FSTL5: variants seen among roughly 807,000 people sequenced by gnomAD.
FSTL5 encodes the protein follistatin-related protein 5.
Under a neutral mutation model 89.1 loss-of-function variants are expected in FSTL5, and 62 were observed. That is an observed-to-expected ratio of 0.70 (90% confidence interval 0.57 to 0.86). FSTL5 has a LOEUF of 0.86. FSTL5 is among the 40% of genes least tolerant of loss of function. The pLI is 0.00. For missense variants in FSTL5, 1,057 were observed against 1,001.6 expected, an observed-to-expected ratio of 1.06 and a Z score of -0.75; for synonymous variants, 383 against 346.2, an observed-to-expected ratio of 1.11 and a Z score of -1.18.
chr4:161,508,859 C>G (rs947171629), intron 11 of FSTL5, among the ~76,000 whole-genome samples: 1 of 151,972 alleles, frequency 6.6e-6, no homozygotes, highest in Non-Finnish European at 1.5e-5. Context: ...TATGGCAAAG[C>G]TTCATACAAA....
chr4:162,077,501 C>T (rs1579008773), intron 2 of FSTL5, among the ~76,000 whole-genome samples: 1 of 151,918 alleles, frequency 6.6e-6, no homozygotes, highest in East Asian at 2.0e-4. Context: ...ATTTGTTCTG[C>T]CCCATTCTTA....
At chr4:161,816,579 C>T (rs1730332637) in intron 4 of FSTL5, among the ~76,000 whole-genome samples, 1 of 152,022 alleles carries the variant, frequency 6.6e-6, no homozygotes, top group South Asian at 2.1e-4. Flanking sequence ...TTCCACTTTA[C>T]AAAGGGGTAA....
At chr4:161,899,975 A>G (rs1733299401) in intron 4 of FSTL5, among the ~76,000 whole-genome samples, 1 of 152,130 alleles carries the variant, frequency 6.6e-6, no homozygotes, top group Non-Finnish European at 1.5e-5. Flanking sequence ...CGGATGGATC[A>G]CCTGAGGTCA....
chr4:161,562,131 T>G (rs2126572238), intron 8 of FSTL5, among the ~76,000 whole-genome samples: 1 of 152,156 alleles, frequency 6.6e-6, no homozygotes, highest in Middle Eastern at 3.4e-3. Flanking sequence ...TTTCTTGCTC[T>G]TCCCCACTGG....
At chr4:162,036,868 C>A (rs1737760549) in intron 2 of FSTL5, among the ~76,000 whole-genome samples, 1 of 151,650 alleles carries the variant, frequency 6.6e-6, no homozygotes, top group Non-Finnish European at 1.5e-5. Context: ...ATTAAATGTC[C>A]AGTTCAAGTT....
At chr4:161,872,139 TGG>T (rs377139784) in intron 4 of FSTL5, among the ~76,000 whole-genome samples, 58,621 of 105,776 alleles carry the variant, frequency 0.55, 15,251 homozygotes, top group East Asian at 0.64. Flanking sequence ...TTTTTTTTTT[TGG>T]TTTTTTTTTT....
intron 10 of FSTL5, among the ~76,000 whole-genome samples, chr4:161,529,718 A>G (rs538607093): frequency 1.4e-5 from 2 of 141,750 alleles, no homozygotes; most frequent in Non-Finnish European, 3.1e-5. Context: ...ATTTGGTTCT[A>G]TTTGACTCTA....
intron 14 of FSTL5, among the ~76,000 whole-genome samples, chr4:161,456,583 C>T (rs189343195): frequency 1.3e-5 from 2 of 152,312 alleles, no homozygotes; most frequent in Admixed American, 1.3e-4. Flanking sequence ...ACACTATAGC[C>T]ACAATGAGGG....
intron 7 of FSTL5, among the ~76,000 whole-genome samples, chr4:161,633,027 G>A (rs1347191657): frequency 6.6e-6 from 1 of 151,932 alleles, no homozygotes; most frequent in African/African-American, 2.4e-5. Context: ...TAAGTAAGAA[G>A]GTTGTTATTT....
In FSTL5 at chr4:161,532,061, C is replaced by T. The variant is rs182425390; in HGVS notation, c.1312+6105G>A. On this transcript the variant is annotated intron_variant, in intron 10 of 15. Coordinates refer to ENST00000306100, the MANE Select transcript of FSTL5 (RefSeq NM_020116.5). Reference sequence around the variant, plus strand: ...CTACTAAAAATACAAAAAAATTAGCCGGGCGTGGTGGTGGGCGCCTGTAGT... The same window carrying T: ...CTACTAAAAATACAAAAAAATTAGCTGGGCGTGGTGGTGGGCGCCTGTAGT... Among the ~76,000 whole-genome samples the T allele has an allele frequency of 5.7e-3, 863 of 151,822 alleles. 11 individuals are homozygous for T. The highest frequency in any genetic ancestry group is 0.019 in the African/African-American group (805 of 41,408).
intron 2 of FSTL5, among the ~76,000 whole-genome samples, chr4:162,096,054 C>T (rs566604129): frequency 6.6e-6 from 1 of 151,974 alleles, no homozygotes; most frequent in African/African-American, 2.4e-5. Context: ...GAAGATATTA[C>T]CCTTGTGGTC....
At chr4:161,759,641 G>A (rs1740713846) in intron 5 of FSTL5, 110 bp from the exon 6 acceptor site, 4 of 622,536 alleles carry the variant, frequency 6.4e-6, no homozygotes, top group Admixed American at 4.4e-5. Context: ...TCTGCAGCAG[G>A]GCAAAAAACT....
At chr4:162,107,500 C>CA (rs1383672812) in intron 2 of FSTL5, among the ~76,000 whole-genome samples, 1 of 152,074 alleles carries the variant, frequency 6.6e-6, no homozygotes, top group African/African-American at 2.4e-5. Flanking sequence ...ACAAGACTGT[C>CA]AATAGTCACT....
At chr4:162,076,639 A>C (rs1052000132) in intron 2 of FSTL5, among the ~76,000 whole-genome samples, 1 of 151,786 alleles carries the variant, frequency 6.6e-6, no homozygotes, top group Non-Finnish European at 1.5e-5. Flanking sequence ...GATAAAGTGG[A>C]TGCTGGGATC....
chr4:161,884,894 T>G (rs1032140442), intron 4 of FSTL5, among the ~76,000 whole-genome samples: 4 of 152,172 alleles, frequency 2.6e-5, no homozygotes, highest in African/African-American at 9.7e-5. Flanking sequence ...TTGAGAAATA[T>G]CAGGAAAATT....
At chr4:162,072,015 T>C (rs1040405160) in intron 2 of FSTL5, among the ~76,000 whole-genome samples, 3 of 151,742 alleles carry the variant, frequency 2.0e-5, no homozygotes, top group Non-Finnish European at 4.4e-5. Context: ...TCACTGCTTA[T>C]ATATTAGATG....
At chr4:161,603,361 C>T (rs1238597399) in intron 7 of FSTL5, among the ~76,000 whole-genome samples, 1 of 151,998 alleles carries the variant, frequency 6.6e-6, no homozygotes, top group Non-Finnish European at 1.5e-5. Flanking sequence ...GGATGGAGTC[C>T]CAATCGGATA....
At chr4:161,844,586 C>A (rs555729247) in intron 4 of FSTL5, among the ~76,000 whole-genome samples, 1 of 152,278 alleles carries the variant, frequency 6.6e-6, no homozygotes, top group Non-Finnish European at 1.5e-5. Flanking sequence ...GGTACATATA[C>A]ACCATGGAAT....
intron 2 of FSTL5, among the ~76,000 whole-genome samples, chr4:162,073,251 T>G: frequency 6.6e-6 from 1 of 151,828 alleles, no homozygotes; most frequent in South Asian, 2.1e-4. Context: ...TGTGTATGTG[T>G]GTGTGTGTAT....
Sources: allele counts gnomAD v4.1 joint callset (sites outside exome capture counted in the v4.1 genomes callset), GRCh38; gene constraint gnomAD v4.1.1; transcripts MANE v1.5; gene names NCBI Gene and HGNC (gene_info 2026-07-23, HGNC 2026-07-21).